CNOT10: variants seen among roughly 807,000 people sequenced by gnomAD.
CNOT10 encodes CCR4-NOT transcription complex subunit 10.
CNOT10 carries 30 observed loss-of-function variants against 94.6 expected under a neutral mutation model. The ratio of observed to expected loss-of-function variants is 0.32; its 90% CI spans 0.24 to 0.43. The LOEUF (loss-of-function observed/expected upper bound fraction) is 0.43, where lower values mean the gene tolerates loss of function less well. Among genes scored for constraint, CNOT10 ranks in the 20% least tolerant of loss-of-function variants. The pLI, the probability that CNOT10 is intolerant of heterozygous loss-of-function variation, is 1.00. For synonymous variants in CNOT10, 289 were observed against 301.6 expected (o/e 0.96, Z 0.43); for missense variants, 759 against 877.2 (o/e 0.87, Z 1.70).
intron 1 of CNOT10, among the ~76,000 whole-genome samples, chr3:32,700,050 A>G (rs1697264241): frequency 6.9e-6 from 1 of 145,174 alleles, no homozygotes; most frequent in South Asian, 2.2e-4. Flanking sequence ...ATCTCGGCTC[A>G]CTGCAACCTC....
At chr3:32,729,140 G>T (rs147937522) in intron 10 of CNOT10, among the ~76,000 whole-genome samples, 204 of 152,262 alleles carry the variant, frequency 1.3e-3, no homozygotes, top group African/African-American at 4.7e-3. Flanking sequence ...GCATTAAGCT[G>T]GATTTCCATC....
At chr3:32,719,609 C>T (rs925222165) in intron 7 of CNOT10, among the ~76,000 whole-genome samples, 1 of 152,182 alleles carries the variant, frequency 6.6e-6, no homozygotes, top group Non-Finnish European at 1.5e-5. Context: ...AAGATTAGTG[C>T]TTGCAAATAA....
intron 12 of CNOT10, 94 bp from the exon 13 acceptor site, chr3:32,737,316 A>G: frequency 1.2e-6 from 1 of 804,774 alleles, no homozygotes. Context: ...TCTGTCTCAA[A>G]AAAAAAGTTG....
chr3:32,773,407 G>C, intron 18 of CNOT10, 50 bp from the exon 19 acceptor site: 2 of 1,543,772 alleles, frequency 1.3e-6, no homozygotes, highest in Non-Finnish European at 1.8e-6. Flanking sequence ...TGCTTTGTGT[G>C]TGGCAGTATT....
At chr3:32,716,590 T>C (rs1253329360) in intron 6 of CNOT10, among the ~76,000 whole-genome samples, 1 of 152,184 alleles carries the variant, frequency 6.6e-6, no homozygotes, top group East Asian at 1.9e-4. Flanking sequence ...AAAAAGTCAT[T>C]GTTAGCCATG....
intron 12 of CNOT10, among the ~76,000 whole-genome samples, chr3:32,737,090 G>A (rs1453787777): frequency 1.3e-5 from 2 of 152,178 alleles, no homozygotes; most frequent in Admixed American, 1.3e-4. Flanking sequence ...AAGGCAGGTG[G>A]ATCACCTGAG....
At chr3:32,720,916 T>C (rs1488097724) in intron 8 of CNOT10, among the ~76,000 whole-genome samples, 3 of 137,030 alleles carry the variant, frequency 2.2e-5, no homozygotes, top group Non-Finnish European at 4.7e-5. Context: ...CCTTCCTTCC[T>C]TCCTTCCTTC....
intron 13 of CNOT10, chr3:32,753,283 G>T: frequency 1.2e-6 from 1 of 858,940 alleles, no homozygotes; most frequent in Admixed American, 1.7e-5. Flanking sequence ...AAGAAGCTCA[G>T]AATGGCCCAG....
At chr3:32,773,410 G>T (rs1700996204) in intron 18 of CNOT10, 47 bp from the exon 19 acceptor site, 2 of 1,550,202 alleles carry the variant, frequency 1.3e-6, no homozygotes, top group South Asian at 2.4e-5. Context: ...TTTGTGTGTG[G>T]CAGTATTGTT....
chr3:32,749,113 C>T (rs576186646), intron 13 of CNOT10, among the ~76,000 whole-genome samples: 42 of 152,262 alleles, frequency 2.8e-4, no homozygotes, highest in African/African-American at 9.4e-4. Context: ...TGAGCCAACG[C>T]ATCCGGCCAA....
intron 8 of CNOT10, among the ~76,000 whole-genome samples, chr3:32,723,594 G>A (rs1354864056): frequency 1.3e-5 from 2 of 152,010 alleles, no homozygotes; most frequent in Non-Finnish European, 2.9e-5. Flanking sequence ...TAGAAAACAT[G>A]GCTAAATTTG....
chr3:32,730,147 T>C (rs1698877622), intron 10 of CNOT10, among the ~76,000 whole-genome samples: 1 of 152,224 alleles, frequency 6.6e-6, no homozygotes, highest in Admixed American at 6.5e-5. Flanking sequence ...ATTTAAGTGT[T>C]GGGCGCCTTT....
chr3:32,716,934 C>CA (rs1698151771), intron 6 of CNOT10, among the ~76,000 whole-genome samples: 4 of 152,168 alleles, frequency 2.6e-5, no homozygotes, highest in Non-Finnish European at 5.9e-5. Context: ...CAGGCGTGAG[C>CA]CACCACATCT....
chr3:32,754,102 CA>C (rs1400683964), intron 13 of CNOT10, among the ~76,000 whole-genome samples: 3 of 150,044 alleles, frequency 2.0e-5, no homozygotes, highest in Non-Finnish European at 3.0e-5. Context: ...AACTCTGTCT[CA>C]AAAAAAAGTT....
At chr3:32,696,038 G>T (rs1200480818) in intron 1 of CNOT10, among the ~76,000 whole-genome samples, 3 of 150,050 alleles carry the variant, frequency 2.0e-5, no homozygotes, top group Admixed American at 6.7e-5. Flanking sequence ...GGTCTTGGCC[G>T]GGCGTGGTGA....
chr3:32,727,561 A>G, intron 9 of CNOT10, 107 bp from the exon 10 acceptor site: 1 of 729,734 alleles, frequency 1.4e-6, no homozygotes, highest in Non-Finnish European at 2.4e-6. Flanking sequence ...GATCAGGATT[A>G]TTGGTGTTAA....
chr3:32,696,774 T>G (rs1220217360), intron 1 of CNOT10, among the ~76,000 whole-genome samples: 1 of 151,628 alleles, frequency 6.6e-6, no homozygotes, highest in African/African-American at 2.4e-5. Flanking sequence ...AGTTTTGTGT[T>G]TTTGGTAGAG....
chr3:32,754,897 C>CAAA (rs1212573196), intron 13 of CNOT10, among the ~76,000 whole-genome samples: 3,697 of 113,578 alleles, frequency 0.033, 65 homozygotes, highest in Middle Eastern at 0.089. Context: ...AGGACCATTA[C>CAAA]AAAAAAAAAA....
Position 32,703,920 on chromosome 3 carries a change from T to A in CNOT10, c.75T>A (p.Asp25Glu). The change falls in exon 2 of 19, where the codon GAT becomes GAA. Residue 25 changes from aspartate (D) to glutamate (E), a missense_variant. By Grantham distance (45) the Asp-to-Glu change is conservative (BLOSUM62 2). Transcript: ENST00000328834. ...CAGGTCAGTCCTCTGGGATCACTGA[T>A]CAAGAGAAGGAGTTATCCACCAATG... ...EGTGQSSGIT[D>E]QEKELSTNAF... The A allele has an allele frequency of 6.2e-7, 1 of 1,613,968 alleles. No individual in the cohort carries two copies. Among genetic ancestry groups the A allele is most frequent in the Non-Finnish European group, 8.5e-7 (1 of 1,179,866 alleles).
Sources: allele counts gnomAD v4.1 joint callset (sites outside exome capture counted in the v4.1 genomes callset), GRCh38; gene constraint gnomAD v4.1.1; transcripts MANE v1.5; gene names NCBI Gene and HGNC (gene_info 2026-07-23, HGNC 2026-07-21).